GRID2: variants seen among roughly 807,000 people sequenced by gnomAD.
GRID2 encodes the protein glutamate receptor ionotropic, delta-2.
A neutral mutation model predicts 114.8 loss-of-function variants in GRID2; 33 were observed. The ratio of observed to expected loss-of-function variants is 0.29; its 90% CI spans 0.22 to 0.38. The LOEUF (loss-of-function observed/expected upper bound fraction) is 0.38. Ranked by LOEUF, GRID2 falls within the 10% of genes least tolerant of loss-of-function variation. The pLI, the probability that GRID2 is intolerant of heterozygous loss-of-function variation, is 1.00. For missense variants in GRID2, 1,184 were observed against 1,257.7 expected, an observed-to-expected ratio of 0.94 and a Z score of 0.89; for synonymous variants, 505 against 449.9, an observed-to-expected ratio of 1.12 and a Z score of -1.55.
At chr4:93,144,144 G>A (rs1050314915) in intron 4 of GRID2, among the ~76,000 whole-genome samples, 4 of 152,068 alleles carry the variant, frequency 2.6e-5, no homozygotes, top group African/African-American at 9.7e-5. Flanking sequence ...AAGTTGCCAG[G>A]AGGTGCTCAT....
At chr4:92,930,797 AATTT>A (rs1560713178) in intron 2 of GRID2, among the ~76,000 whole-genome samples, 2 of 151,152 alleles carry the variant, frequency 1.3e-5, no homozygotes. Context: ...TTTGAAATAA[AATTT>A]AACTTAGCAA....
At position 92,902,774 on chromosome 4, in the gene GRID2, C is replaced by T. The variant is rs545622898; in HGVS notation, c.245-182221C>T. Among the ~76,000 whole-genome samples the T allele has an allele frequency of 7.9e-5, 12 of 151,954 alleles. No homozygotes were observed. The South Asian group carries it at 2.1e-3, about 26-fold the overall frequency. On this transcript the variant is annotated intron_variant, in intron 2 of 15. Coordinates refer to ENST00000282020, the MANE Select transcript of GRID2 (RefSeq NM_001510.4). ...TAATTCTCCCAACATATGTTTTTGT[C>T]GACTTTGTCAAAGAGCAGTTGACTG...
intron 2 of GRID2, among the ~76,000 whole-genome samples, chr4:92,692,808 A>T (rs1402143821): frequency 6.6e-6 from 1 of 152,124 alleles, no homozygotes; most frequent in Non-Finnish European, 1.5e-5. Flanking sequence ...GAATCACTTG[A>T]GGTCAGGAGT....
At chr4:92,972,418 G>A (rs1753580546) in intron 2 of GRID2, among the ~76,000 whole-genome samples, 1 of 151,584 alleles carries the variant, frequency 6.6e-6, no homozygotes, top group African/African-American at 2.4e-5. Context: ...TGACTGTGGG[G>A]GACATGAATA....
chr4:93,157,656 T>C (rs892845595), intron 4 of GRID2, among the ~76,000 whole-genome samples: 1 of 151,722 alleles, frequency 6.6e-6, no homozygotes, highest in Non-Finnish European at 1.5e-5. Flanking sequence ...TTACTAAGGA[T>C]GAATGAAAGG....
chr4:92,875,278 C>G (rs1364477355), intron 2 of GRID2, among the ~76,000 whole-genome samples: 1 of 150,954 alleles, frequency 6.6e-6, no homozygotes, highest in Non-Finnish European at 1.5e-5. Context: ...TTCTCCTTGC[C>G]TCAGCCTCCT....
chr4:93,303,098 A>G (rs1185306145), intron 8 of GRID2, among the ~76,000 whole-genome samples: 4 of 152,120 alleles, frequency 2.6e-5, no homozygotes, highest in African/African-American at 9.7e-5. Flanking sequence ...AAGAGGAAAC[A>G]GGGGGAGGTG....
intron 2 of GRID2, among the ~76,000 whole-genome samples, chr4:92,997,698 TCA>T (rs1187125682): frequency 1.3e-5 from 2 of 152,140 alleles, no homozygotes; most frequent in African/African-American, 4.8e-5. Context: ...GCTCTGATTC[TCA>T]GTTTCTTCTT....
At chr4:92,546,927 A>G (rs765212789) in intron 1 of GRID2, among the ~76,000 whole-genome samples, 4 of 152,226 alleles carry the variant, frequency 2.6e-5, no homozygotes, top group African/African-American at 9.6e-5. Context: ...TAGGCTCCCT[A>G]CATCCCTCCT....
chr4:92,501,314 C>T (rs1723673725), intron 1 of GRID2, among the ~76,000 whole-genome samples: 1 of 152,226 alleles, frequency 6.6e-6, no homozygotes, highest in African/African-American at 2.4e-5. Context: ...GCTCATTTTA[C>T]CAGCAATTCA....
chr4:93,598,049 A>G (rs995642408), intron 13 of GRID2, among the ~76,000 whole-genome samples: 17 of 152,224 alleles, frequency 1.1e-4, no homozygotes, highest in Non-Finnish European at 1.5e-5. Context: ...CTGTGAACGA[A>G]CAATGGACTA....
intron 1 of GRID2, among the ~76,000 whole-genome samples, chr4:92,446,361 G>A (rs1475437861): frequency 6.6e-6 from 1 of 152,222 alleles, no homozygotes; most frequent in East Asian, 1.9e-4. Context: ...TGAGATAAAT[G>A]TCTCTTCTTT....
chr4:93,743,088 T>G (rs1016261643), intron 14 of GRID2, among the ~76,000 whole-genome samples: 7 of 152,176 alleles, frequency 4.6e-5, no homozygotes, highest in African/African-American at 1.7e-4. Context: ...TGAAACAGCC[T>G]TATTACTGAA....
At chr4:93,546,903 C>A (rs1487887977) in intron 13 of GRID2, among the ~76,000 whole-genome samples, 1 of 152,018 alleles carries the variant, frequency 6.6e-6, no homozygotes, top group African/African-American at 2.4e-5. Context: ...AAGGACTTGT[C>A]TTACTTTAGG....
intron 2 of GRID2, among the ~76,000 whole-genome samples, chr4:92,640,180 CATATT>C (rs1411992726): frequency 6.6e-6 from 1 of 151,642 alleles, no homozygotes; most frequent in East Asian, 1.9e-4. Context: ...CAGTAGATCA[CATATT>C]TATTTAAAAA....
chr4:92,900,794 A>G (rs1747516894), intron 2 of GRID2, among the ~76,000 whole-genome samples: 1 of 144,816 alleles, frequency 6.9e-6, no homozygotes, highest in Admixed American at 7.4e-5. Flanking sequence ...AGATCACGGC[A>G]CTACACTCCA....
chr4:92,327,267 A>G (rs887734044), intron 1 of GRID2, among the ~76,000 whole-genome samples: 8 of 151,952 alleles, frequency 5.3e-5, no homozygotes, highest in Non-Finnish European at 8.8e-5. Flanking sequence ...CCAGTTTGTC[A>G]GTATCAAGTA....
chr4:93,346,644 G>C (rs1179320818), intron 8 of GRID2, among the ~76,000 whole-genome samples: 1 of 152,090 alleles, frequency 6.6e-6, no homozygotes, highest in African/African-American at 2.4e-5. Context: ...ATGAAAATTG[G>C]TTCTTTTTTA....
At chr4:93,368,683 T>TA (rs1469031230) in intron 8 of GRID2, among the ~76,000 whole-genome samples, 7 of 152,282 alleles carry the variant, frequency 4.6e-5, no homozygotes, top group African/African-American at 1.7e-4. Flanking sequence ...TTTTTAATGC[T>TA]AATGAAAAGC....
Sources: allele counts gnomAD v4.1 joint callset (sites outside exome capture counted in the v4.1 genomes callset), GRCh38; gene constraint gnomAD v4.1.1; transcripts MANE v1.5; gene names NCBI Gene and HGNC (gene_info 2026-07-23, HGNC 2026-07-21).